Variants in CNTNAP2 observed in about 807,000 individuals in gnomAD.
CNTNAP2 encodes the protein contactin-associated protein-like 2.
In CNTNAP2, 98 loss-of-function variants were observed where a neutral mutation model predicts 155.2. The ratio of observed to expected loss-of-function variants is 0.63; its 90% CI spans 0.54 to 0.75. CNTNAP2 has a LOEUF of 0.75. Among genes scored for constraint, CNTNAP2 ranks in the 30% least tolerant of loss-of-function variants. The pLI is 0.00. For missense variants in CNTNAP2, 1,727 were observed against 1,688.1 expected (o/e 1.02, Z -0.40); for synonymous variants, 651 against 631.2 (o/e 1.03, Z -0.47).
intron 1 of CNTNAP2, among the ~76,000 whole-genome samples, chr7:146,646,850 G>A (rs548887643): frequency 9.2e-5 from 14 of 152,160 alleles, no homozygotes; most frequent in Non-Finnish European, 1.5e-4. Context: ...GACAAGAGTC[G>A]CCTAGTGAAA....
intron 1 of CNTNAP2, among the ~76,000 whole-genome samples, chr7:146,321,062 A>G (rs1800991943): frequency 6.7e-6 from 1 of 149,732 alleles, no homozygotes; most frequent in Non-Finnish European, 1.5e-5. Flanking sequence ...TTTTCAAAAA[A>G]ATATTGTAAA....
intron 1 of CNTNAP2, among the ~76,000 whole-genome samples, chr7:146,450,285 A>G (rs113512782): frequency 3.3e-5 from 5 of 152,316 alleles, no homozygotes; most frequent in African/African-American, 9.6e-5. Flanking sequence ...TCAGTTATCT[A>G]TTGCTGCATA....
intron 13 of CNTNAP2, among the ~76,000 whole-genome samples, chr7:147,717,670 G>A (rs187320272): frequency 6.6e-6 from 1 of 152,220 alleles, no homozygotes; most frequent in Admixed American, 6.5e-5. Flanking sequence ...GAGTCTTAAT[G>A]TTAAAATATA....
chr7:147,213,161 G>C lies in CNTNAP2; in HGVS notation c.1348+80652G>C, dbSNP rs143480246. ...TGAGAAAAGCTATTGCTGTAATTCA[G>C]TGTGAATCTGAAGACCTAAGAATCA... On this transcript the variant is annotated intron_variant, in intron 8 of 23. Coordinates refer to ENST00000361727, the MANE Select transcript of CNTNAP2 (RefSeq NM_014141.6). Among the ~76,000 whole-genome samples the C allele has an allele frequency of 3.0e-3, 464 of 152,232 alleles. 2 individuals carry two copies. Among genetic ancestry groups the C allele is most frequent in the African/African-American group, 0.01 (431 of 41,548 alleles).
intron 14 of CNTNAP2, among the ~76,000 whole-genome samples, chr7:147,905,487 G>A (rs898276663): frequency 1.3e-5 from 2 of 152,248 alleles, no homozygotes; most frequent in East Asian, 1.9e-4. Flanking sequence ...TTTGTCCTCA[G>A]GAGCTCCAAA....
chr7:147,442,622 T>C (rs981566520), intron 10 of CNTNAP2, among the ~76,000 whole-genome samples: 1 of 152,162 alleles, frequency 6.6e-6, no homozygotes, highest in African/African-American at 2.4e-5. Context: ...GAGTCTCACC[T>C]GAAGCCAGCA....
At chr7:147,882,251 G>A (rs572876940) in intron 13 of CNTNAP2, among the ~76,000 whole-genome samples, 23 of 152,270 alleles carry the variant, frequency 1.5e-4, no homozygotes, top group East Asian at 1.9e-4. Flanking sequence ...GAAATGGAAC[G>A]TTATGATCAT....
rs555306972 is a variant in CNTNAP2 at position 146,807,205 on chromosome 7, G to A, written c.209-32506G>A. On this transcript the variant is annotated intron_variant, in intron 2 of 23. Transcript: ENST00000361727. ...AATCTGGTATTGATAGTATTTTAGC[G>A]TATTTTTAAAATTTTTGTACATCAA... Among the ~76,000 whole-genome samples the A allele has an allele frequency of 3.9e-4, 60 of 152,032 alleles. 1 individual carries two copies. Among genetic ancestry groups the A allele is most frequent in the Non-Finnish European group, 7.2e-4 (49 of 67,956 alleles).
At chr7:147,297,624 A>G (rs970472276) in intron 8 of CNTNAP2, among the ~76,000 whole-genome samples, 1 of 152,322 alleles carries the variant, frequency 6.6e-6, no homozygotes, top group African/African-American at 2.4e-5. Flanking sequence ...CACATGACAC[A>G]TCTTAGTTCA....
chr7:147,939,930 G>A (rs1174497805), intron 14 of CNTNAP2: 2 of 151,980 alleles, frequency 1.3e-5, no homozygotes, highest in African/African-American at 4.8e-5. Context: ...AGTGTCCTTC[G>A]AAGCTATAAA....
intron 23 of CNTNAP2, among the ~76,000 whole-genome samples, chr7:148,412,480 T>C (rs1322280335): frequency 6.6e-6 from 1 of 152,246 alleles, no homozygotes; most frequent in East Asian, 1.9e-4. Flanking sequence ...AGCTTACTAT[T>C]TCATTAATTT....
intron 1 of CNTNAP2, among the ~76,000 whole-genome samples, chr7:146,381,514 A>G (rs1050375270): frequency 6.6e-6 from 1 of 152,190 alleles, no homozygotes; most frequent in Non-Finnish European, 1.5e-5. Flanking sequence ...TGATAATAAC[A>G]GTACCTACCT....
intron 11 of CNTNAP2, among the ~76,000 whole-genome samples, chr7:147,522,280 T>C (rs1190349752): frequency 1.3e-5 from 2 of 152,218 alleles, no homozygotes; most frequent in African/African-American, 2.4e-5. Flanking sequence ...CCATAGCATA[T>C]ACTTACTGGT....
rs143202630 is a variant in CNTNAP2, at chr7:147,935,761, A to C, written c.2255+32040A>C. 2.5e-3 allele frequency among the ~76,000 whole-genome samples: 384 copies of C among 152,158 alleles called. 6 individuals are homozygous for C. Among genetic ancestry groups the C allele is most frequent in the Middle Eastern group, 0.024 (7 of 294 alleles). The stretch of plus-strand genomic sequence containing the variant: ...TTATCTTGGAACAATATTATCTTTC[A>C]TTTATATGATAGCAAAAAAATTAAC... On this transcript the variant is annotated intron_variant, in intron 14 of 23. Transcript: ENST00000361727.
chr7:148,250,836 T>G (rs1352172860), intron 20 of CNTNAP2, among the ~76,000 whole-genome samples: 1 of 152,294 alleles, frequency 6.6e-6, no homozygotes, highest in Non-Finnish European at 1.5e-5. Context: ...TTCATATTTT[T>G]GTTTTGCTTT....
Position 146,839,878 on chromosome 7 carries a change from C to T in CNTNAP2, c.376C>T (p.Pro126Ser). Reference sequence around the variant, plus strand: ...CAGCGACACAGGGAGAAACTGGAAACCCTATCATCAAGATGGGAATATCTG... The same window carrying T: ...CAGCGACACAGGGAGAAACTGGAAATCCTATCATCAAGATGGGAATATCTG... ...LYSDTGRNWK[P>S]YHQDGNIWAF... is the part of the protein sequence containing the mutation. Residue 126 changes from proline (P) to serine (S), a missense_variant, in exon 3 of 24, where the codon CCC becomes TCC. By Grantham distance (74) the Pro-to-Ser change is moderately conservative. Coordinates refer to ENST00000361727, the MANE Select transcript of CNTNAP2 (RefSeq NM_014141.6). The T allele has an allele frequency of 6.2e-7, 1 of 1,614,072 alleles. No homozygotes were observed. The highest frequency in any genetic ancestry group is 8.5e-7 in the Non-Finnish European group (1 of 1,180,012).
At chr7:147,511,304 C>T (rs928643106) in intron 11 of CNTNAP2, among the ~76,000 whole-genome samples, 3 of 152,012 alleles carry the variant, frequency 2.0e-5, no homozygotes, top group Non-Finnish European at 4.4e-5. Context: ...TCTTTTTGTT[C>T]TGATCTTCAT....
chr7:146,126,956 T>G (rs1349303682), intron 1 of CNTNAP2, among the ~76,000 whole-genome samples: 4 of 152,140 alleles, frequency 2.6e-5, no homozygotes, highest in African/African-American at 9.7e-5. Context: ...TCTCCCGGAT[T>G]CTAATCTTCC....
intron 3 of CNTNAP2, among the ~76,000 whole-genome samples, chr7:146,985,875 A>G (rs143704921): frequency 3.0e-4 from 45 of 152,230 alleles, no homozygotes; most frequent in African/African-American, 8.9e-4. Context: ...CTGGCATTCA[A>G]TTTTTTTCCA....
Sources: gnomAD v4.1 joint callset for allele counts (sites outside exome capture counted in the v4.1 genomes callset) on GRCh38, gnomAD v4.1.1 for gene constraint, MANE v1.5 for transcripts, NCBI Gene and HGNC (gene_info 2026-07-23, HGNC 2026-07-21) for gene names.